Variants in MORC1 observed in about 807,000 individuals in gnomAD.
MORC1 encodes the protein MORC family CW-type zinc finger protein 1.
A neutral mutation model predicts 134.9 loss-of-function variants in MORC1; 59 were observed. That is an observed-to-expected ratio of 0.44 (90% confidence interval 0.35 to 0.54). The LOEUF is 0.54. MORC1 is among the 20% of genes least tolerant of loss of function. The pLI, the probability that MORC1 is intolerant of heterozygous loss-of-function variation, is 0.00. For missense variants in MORC1, 947 were observed against 1,134.5 expected (o/e 0.83, Z 2.37); for synonymous variants, 395 against 391.7 (o/e 1.01, Z -0.10).
At chr3:109,018,565 G>A (rs561053182) in intron 17 of MORC1, among the ~76,000 whole-genome samples, 37 of 152,234 alleles carry the variant, frequency 2.4e-4, no homozygotes, top group Admixed American at 9.2e-4. Context: ...GAGGGTGGTT[G>A]CCACTCTCAT....
intron 17 of MORC1, among the ~76,000 whole-genome samples, chr3:109,014,966 AC>A (rs1948782622): frequency 6.6e-6 from 1 of 152,060 alleles, no homozygotes; most frequent in Admixed American, 6.5e-5. Flanking sequence ...GCTCACTGCA[AC>A]CTCTGCCTCC....
intron 24 of MORC1, among the ~76,000 whole-genome samples, chr3:108,974,050 C>A (rs112538003): frequency 2.0e-5 from 3 of 152,114 alleles, no homozygotes; most frequent in Admixed American, 6.5e-5. Context: ...CCCACCCCCC[C>A]ACCAGGCCCA....
intron 4 of MORC1, among the ~76,000 whole-genome samples, chr3:109,103,473 C>G (rs766102436): frequency 6.6e-6 from 1 of 152,194 alleles, no homozygotes; most frequent in Non-Finnish European, 1.5e-5. Context: ...AAATAGCCTA[C>G]AGGCACAGGA....
intron 24 of MORC1, among the ~76,000 whole-genome samples, chr3:108,972,427 A>T (rs750975550): frequency 1.6e-4 from 25 of 152,184 alleles, no homozygotes; most frequent in Non-Finnish European, 3.7e-4. Flanking sequence ...CCCATACTTT[A>T]AGTATATTAT....
At position 109,094,653 on chromosome 3, in the gene MORC1, C is replaced by T. The variant is rs140039236; in HGVS notation, c.583+256G>A. Among the ~76,000 whole-genome samples, 1,041 of 152,162 alleles carry T rather than the reference C, an allele frequency of 6.8e-3. 13 individuals are homozygous for T. The highest frequency in any genetic ancestry group is 7.3e-3 in the Non-Finnish European group (494 of 68,000). On this transcript the variant is annotated intron_variant, in intron 7 of 27. Coordinates refer to ENST00000232603, the MANE Select transcript of MORC1 (RefSeq NM_014429.4). ...GACTGTGGAGTCCCTGTGGTCATAG[C>T]CTGTATCATCCTCTTCTTACCCAGT...
At chr3:108,982,726 T>TAAAAAAA (rs72358419) in intron 23 of MORC1, among the ~76,000 whole-genome samples, 5 of 117,792 alleles carry the variant, frequency 4.2e-5, no homozygotes, top group Admixed American at 8.6e-5. Flanking sequence ...ACTTAAAGTA[T>TAAAAAAA]AAAAAAAAAA....
intron 23 of MORC1, among the ~76,000 whole-genome samples, chr3:108,980,395 C>G (rs1053908294): frequency 1.3e-5 from 2 of 152,122 alleles, no homozygotes; most frequent in African/African-American, 4.8e-5. Context: ...TATTTCTGCC[C>G]ATGAAATGCT....
At chr3:109,023,400 G>A (rs1371741211) in intron 17 of MORC1, among the ~76,000 whole-genome samples, 1 of 152,178 alleles carries the variant, frequency 6.6e-6, no homozygotes, top group Non-Finnish European at 1.5e-5. Context: ...AGACCTAGGG[G>A]ACACATAAGC....
At chr3:108,980,122 A>G (rs1947672415) in intron 23 of MORC1, among the ~76,000 whole-genome samples, 2 of 152,300 alleles carry the variant, frequency 1.3e-5, no homozygotes, top group Middle Eastern at 3.4e-3. Context: ...ATGAGTTACT[A>G]TTATTTTTTA....
At chr3:109,047,858 G>A (rs1486234645) in intron 14 of MORC1, among the ~76,000 whole-genome samples, 1 of 152,124 alleles carries the variant, frequency 6.6e-6, no homozygotes, top group Non-Finnish European at 1.5e-5. Flanking sequence ...AGCTGATGAA[G>A]AAAACATAAT....
At chr3:109,099,535 T>C (rs559070947) in intron 5 of MORC1, 69 bp from the exon 6 acceptor site, 6 of 1,164,830 alleles carry the variant, frequency 5.2e-6, no homozygotes, top group Non-Finnish European at 7.3e-6. Context: ...AGGCAGACTG[T>C]TATCACCGTG....
chr3:109,043,025 A>T (rs1484052173), intron 14 of MORC1, among the ~76,000 whole-genome samples: 1 of 152,160 alleles, frequency 6.6e-6, no homozygotes, highest in African/African-American at 2.4e-5. Flanking sequence ...TATAATTAAT[A>T]ACAATATGTT....
At chr3:108,995,059 T>C (rs967575028) in intron 21 of MORC1, among the ~76,000 whole-genome samples, 5 of 152,186 alleles carry the variant, frequency 3.3e-5, no homozygotes, top group Non-Finnish European at 7.3e-5. Flanking sequence ...AGTGCATCAC[T>C]TTTGAGGGGC....
In MORC1 at chr3:109,035,469, CTT is replaced by C; in HGVS notation, c.1331-3_1331-2del. 1 of 1,304,466 alleles carries C rather than the reference CTT, an allele frequency of 7.7e-7. No individual in the cohort carries two copies. Among genetic ancestry groups the C allele is most frequent in the Non-Finnish European group, 1.0e-6 (1 of 996,340 alleles). The allele number at this position is 1,304,466 out of a possible 1,614,324, so 80.8% of individuals were successfully genotyped here. A position where few individuals can be genotyped will look rare whatever the true frequency, so the allele number is the denominator to read the frequency against. On this transcript the variant is annotated splice_acceptor_variant and splice_polypyrimidine_tract_variant and intron_variant, in intron 14 of 27. Coordinates refer to ENST00000232603, the MANE Select transcript of MORC1 (RefSeq NM_014429.4). LOFTEE classifies it high-confidence loss of function. ...CAAAACAATGTTAAATTTCTATTAT[CTT>C]TTAAAAAAAAAAGCAGGCAAAGAAT...
chr3:109,057,604 G>T, intron 12 of MORC1, 118 bp from the exon 13 acceptor site: 2 of 889,026 alleles, frequency 2.2e-6, no homozygotes, highest in Middle Eastern at 3.6e-4. Flanking sequence ...CAAATATTTT[G>T]CAAAACCTGG....
At chr3:109,024,682 G>A (rs755039065) in intron 17 of MORC1, among the ~76,000 whole-genome samples, 8 of 152,308 alleles carry the variant, frequency 5.3e-5, no homozygotes, top group Admixed American at 1.3e-4. Flanking sequence ...GATGGAGGAA[G>A]AGAAAACAGG....
chr3:109,057,142 T>C (rs1207650142), intron 13 of MORC1, among the ~76,000 whole-genome samples: 1 of 152,160 alleles, frequency 6.6e-6, no homozygotes. Flanking sequence ...TCCCAAAGTG[T>C]GCTTTTTCCT....
intron 21 of MORC1, among the ~76,000 whole-genome samples, chr3:108,987,342 T>C (rs1228243577): frequency 4.6e-5 from 7 of 152,326 alleles, no homozygotes; most frequent in Admixed American, 1.3e-4. Flanking sequence ...GTACCTCTGG[T>C]TGCTGCAAAG....
chr3:109,056,807 T>C (rs1949973489), intron 13 of MORC1, among the ~76,000 whole-genome samples: 1 of 152,206 alleles, frequency 6.6e-6, no homozygotes, highest in Non-Finnish European at 1.5e-5. Flanking sequence ...TGTCCTTTTC[T>C]GTGCGTCTCT....
Sources: allele counts gnomAD v4.1 joint callset (sites outside exome capture counted in the v4.1 genomes callset), GRCh38; gene constraint gnomAD v4.1.1; transcripts MANE v1.5; gene names NCBI Gene and HGNC (gene_info 2026-07-23, HGNC 2026-07-21).